The following FXR1 variants were observed in gnomAD, a reference collection of about 807,000 sequenced individuals.
FXR1 encodes the protein FMR1 autosomal homolog 1.
FXR1 carries 15 observed loss-of-function variants against 84.0 expected under a neutral mutation model. The observed-to-expected ratio is 0.18, with a 90% CI of 0.12 to 0.27. FXR1 has a LOEUF of 0.27. Ranked by LOEUF, FXR1 falls within the 10% of genes least tolerant of loss-of-function variation. FXR1 has a pLI of 1.00. For synonymous variants in FXR1, 245 were observed against 250.7 expected (o/e 0.98, Z 0.21); for missense variants, 480 against 774.4 (o/e 0.62, Z 4.51).
chr3:180,923,526 C>T (rs941130560), intron 1 of FXR1, among the ~76,000 whole-genome samples: 3 of 151,482 alleles, frequency 2.0e-5, no homozygotes, highest in African/African-American at 7.3e-5. Context: ...TTTTTCCTTG[C>T]CCTGATAAGG....
At chr3:180,944,302 A>G (rs965947674) in intron 3 of FXR1, among the ~76,000 whole-genome samples, 1 of 151,406 alleles carries the variant, frequency 6.6e-6, no homozygotes, top group African/African-American at 2.4e-5. Context: ...AAAGAATGAA[A>G]GGGTAGTAAG....
intron 1 of FXR1, chr3:180,927,639 C>T (rs556607621): frequency 3.5e-6 from 2 of 565,356 alleles, no homozygotes; most frequent in African/African-American, 2.0e-5. Context: ...GTACTTTTTT[C>T]CCCCACAGGC....
chr3:180,939,663 G>A (rs1054292924), intron 3 of FXR1, among the ~76,000 whole-genome samples: 1 of 152,158 alleles, frequency 6.6e-6, no homozygotes, highest in African/African-American at 2.4e-5. Flanking sequence ...CTTCTTAACT[G>A]TGTGAATACT....
At chr3:180,942,619 A>G (rs538819792) in intron 3 of FXR1, among the ~76,000 whole-genome samples, 4 of 152,200 alleles carry the variant, frequency 2.6e-5, no homozygotes, top group African/African-American at 9.6e-5. Flanking sequence ...CCATAAAACG[A>G]TAGTGATTAA....
intron 1 of FXR1, chr3:180,914,718 ATATCTACAATC>A: frequency 1.2e-6 from 1 of 811,006 alleles, no homozygotes; most frequent in Non-Finnish European, 1.5e-6. Context: ...ATCTCTATAC[ATATCTACAATC>A]TACTGCTTGT....
Position 180,982,611 on chromosome 3 carries a change from T to G in FXR1, c.*6319T>G, listed in dbSNP as rs537227642. On this transcript the variant is annotated 3_prime_UTR_variant, in exon 17 of 17. Transcript: ENST00000357559. ...AAATTTCCCTTTTTAGAGTTAATGC[T>G]TCATTGCCTGTCGGCATATTATCAC... 1 of 152,206 alleles carries G rather than the reference T, an allele frequency of 6.6e-6. No homozygotes were observed. The highest frequency in any genetic ancestry group is 6.5e-5 in the Admixed American group (1 of 15,268). The allele number at this position is 152,206 out of a possible 1,614,324, so 9.4% of individuals were successfully genotyped here.
chr3:180,912,740 C>A lies in FXR1; in HGVS notation c.51+4C>A, dbSNP rs780760035. 51 of 1,614,108 alleles carry A rather than the reference C, an allele frequency of 3.2e-5. 2 individuals carry two copies. The South Asian group carries it at 5.3e-4, about 17-fold the overall frequency. On this transcript the variant is annotated splice_donor_region_variant and intron_variant, in intron 1 of 16. Transcript: ENST00000357559. ...CTCTAACGGGGCTTTCTACAAGGTA[C>A]TGACCGTTTTGCCACTTTGTCGAGT...
At chr3:180,967,729 T>C (rs902413364) in intron 13 of FXR1, among the ~76,000 whole-genome samples, 1 of 152,156 alleles carries the variant, frequency 6.6e-6, no homozygotes, top group East Asian at 1.9e-4. Flanking sequence ...GTCACACCTT[T>C]GACTATATTA....
rs1423308873 is a variant in FXR1, at chr3:180,977,840, G to C, written c.*1548G>C. On this transcript the variant is annotated 3_prime_UTR_variant, in exon 17 of 17. Coordinates refer to ENST00000357559, the MANE Select transcript of FXR1 (RefSeq NM_005087.4). Reference sequence around the variant, plus strand: ...GATAATTCAGGGTATAGTTAAAAATGTACAATGTGCCAGTTCAGTATATAT... The same window carrying C: ...GATAATTCAGGGTATAGTTAAAAATCTACAATGTGCCAGTTCAGTATATAT... 1.3e-5 allele frequency: 2 copies of C among 152,018 alleles called. No individual in the cohort carries two copies. Among genetic ancestry groups the C allele is most frequent in the African/African-American group, 4.8e-5 (2 of 41,400 alleles). The allele number at this position is 152,018 out of a possible 1,614,324, so 9.4% of individuals were successfully genotyped here. A position where few individuals can be genotyped will look rare whatever the true frequency, so the allele number is the denominator to read the frequency against.
chr3:180,941,862 C>T (rs1179886851), intron 3 of FXR1, among the ~76,000 whole-genome samples: 2 of 152,030 alleles, frequency 1.3e-5, no homozygotes, highest in Non-Finnish European at 2.9e-5. Context: ...TTTTCTAATG[C>T]GCATTTTCTT....
chr3:180,921,253 A>G (rs754917086), intron 1 of FXR1, among the ~76,000 whole-genome samples: 1 of 151,884 alleles, frequency 6.6e-6, no homozygotes, highest in Non-Finnish European at 1.5e-5. Flanking sequence ...CTGTAATCCC[A>G]GCTATTCTGG....
intron 3 of FXR1, among the ~76,000 whole-genome samples, chr3:180,944,327 T>G (rs1282720481): frequency 1.2e-5 from 1 of 83,098 alleles, no homozygotes; most frequent in Non-Finnish European, 2.5e-5. Context: ...TTATTGGACC[T>G]TTTTTTTTTT....
At chr3:180,972,357 G>C (rs1372365115) in intron 15 of FXR1, among the ~76,000 whole-genome samples, 2 of 152,180 alleles carry the variant, frequency 1.3e-5, no homozygotes, top group Non-Finnish European at 2.9e-5. Flanking sequence ...TCTTGAGACT[G>C]AGGCAGGAGA....
At chr3:180,939,869 CAA>C (rs1380298111) in intron 3 of FXR1, among the ~76,000 whole-genome samples, 8 of 152,154 alleles carry the variant, frequency 5.3e-5, no homozygotes, top group East Asian at 1.9e-4. Context: ...AAAAATGATC[CAA>C]GAGAGAGCTT....
intron 1 of FXR1, among the ~76,000 whole-genome samples, chr3:180,915,878 T>C (rs1717833336): frequency 6.6e-6 from 1 of 152,188 alleles, no homozygotes; most frequent in African/African-American, 2.4e-5. Context: ...CTTTAAAAAA[T>C]AGTATGTACA....
In FXR1 at chr3:180,977,754, C is replaced by T. The variant is rs575407268; in HGVS notation, c.*1462C>T. ...CTTGGCATATGAAAAGTGTTGTGTGCATAGTTTGTGTTAATTTTTTATGTG... is the reference window on the plus strand; with the variant it reads ...CTTGGCATATGAAAAGTGTTGTGTGTATAGTTTGTGTTAATTTTTTATGTG... On this transcript the variant is annotated 3_prime_UTR_variant, in exon 17 of 17. Transcript: ENST00000357559. The T allele has an allele frequency of 2.0e-5, 3 of 152,154 alleles. No individual in the cohort carries two copies. In the South Asian group the frequency reaches 6.2e-4, roughly 32 times the overall value. 9.4% of individuals were successfully genotyped at this position (152,154 alleles called of 1,614,324 possible).
At position 180,982,542 on chromosome 3, in the gene FXR1, G is replaced by T. The variant is rs958735597; in HGVS notation, c.*6250G>T. 1.3e-4 allele frequency: 20 copies of T among 152,112 alleles called. No homozygotes were observed. The highest frequency in any genetic ancestry group is 1.0e-3 in the Admixed American group (16 of 15,264). 9.4% of individuals were successfully genotyped at this position (152,112 alleles called of 1,614,324 possible). Reference sequence around the variant, plus strand: ...TTAACACCTGTCTTAAAACGGGTATGTTGTTTGCACTGAACCCTCAAAAGT... The same window carrying T: ...TTAACACCTGTCTTAAAACGGGTATTTTGTTTGCACTGAACCCTCAAAAGT... On this transcript the variant is annotated 3_prime_UTR_variant, in exon 17 of 17. Transcript: ENST00000357559.
intron 14 of FXR1, among the ~76,000 whole-genome samples, chr3:180,969,796 C>A (rs1713304274): frequency 6.6e-6 from 1 of 152,078 alleles, no homozygotes; most frequent in African/African-American, 2.4e-5. Flanking sequence ...ATATTTGTTT[C>A]TTTTCATTTT....
chr3:180,929,609 T>TA lies in FXR1; in HGVS notation c.52-3722dup, dbSNP rs987498893. 1.1e-4 allele frequency among the ~76,000 whole-genome samples: 16 copies of TA among 152,198 alleles called. 1 individual carries two copies. The highest frequency in any genetic ancestry group is 7.3e-5 in the Non-Finnish European group (5 of 68,036). On this transcript the variant is annotated intron_variant, in intron 1 of 16. Transcript: ENST00000357559. The stretch of plus-strand genomic sequence containing the variant: ...AAGATTGGATGGAGACTTAAAGGCA[T>TA]AAAGCCCCCTGCCATGTGCAGACAA...
Sources: allele counts gnomAD v4.1 joint callset (sites outside exome capture counted in the v4.1 genomes callset), GRCh38; gene constraint gnomAD v4.1.1; transcripts MANE v1.5; gene names NCBI Gene and HGNC (gene_info 2026-07-23, HGNC 2026-07-21).